Variants in PCCA observed in about 807,000 individuals in gnomAD.
PCCA encodes the protein propionyl-CoA carboxylase alpha chain, mitochondrial.
PCCA carries 74 observed loss-of-function variants against 101.3 expected under a neutral mutation model. The observed-to-expected ratio is 0.73, with a 90% CI of 0.61 to 0.89. The LOEUF (loss-of-function observed/expected upper bound fraction) is 0.89, where lower values mean the gene tolerates loss of function less well. Ranked by LOEUF, PCCA falls within the 40% of genes least tolerant of loss-of-function variation. The pLI is 0.00. For missense variants in PCCA, 891 were observed against 907.0 expected, an observed-to-expected ratio of 0.98 and a Z score of 0.23; for synonymous variants, 294 against 313.6, an observed-to-expected ratio of 0.94 and a Z score of 0.66.
At chr13:100,179,570 C>T (rs1372764346) in intron 6 of PCCA, among the ~76,000 whole-genome samples, 1 of 152,160 alleles carries the variant, frequency 6.6e-6, no homozygotes, top group African/African-American at 2.4e-5. Flanking sequence ...CTGTTTGCCT[C>T]TTTGCATGCA....
chr13:100,417,371 C>G (rs2078444181), intron 19 of PCCA, among the ~76,000 whole-genome samples: 1 of 152,186 alleles, frequency 6.6e-6, no homozygotes. Flanking sequence ...ACCAAACACT[C>G]CGTGCTCCAT....
At chr13:100,139,370 A>C (rs2051586744) in intron 4 of PCCA, among the ~76,000 whole-genome samples, 1 of 151,730 alleles carries the variant, frequency 6.6e-6, no homozygotes, top group Non-Finnish European at 1.5e-5. Flanking sequence ...ATAGACATGT[A>C]TGTTAGACCT....
intron 6 of PCCA, among the ~76,000 whole-genome samples, chr13:100,205,107 A>G (rs921756448): frequency 2.6e-5 from 4 of 152,224 alleles, no homozygotes; most frequent in African/African-American, 4.8e-5. Context: ...TTTAGTTGCT[A>G]TTGCATAACA....
rs1004885309 is a variant in PCCA at position 100,159,887 on chromosome 13, C to T, written c.468+2547C>T. Among the ~76,000 whole-genome samples, 82 of 152,224 alleles carry T rather than the reference C, an allele frequency of 5.4e-4. 1 individual carries two copies. Among genetic ancestry groups the T allele is most frequent in the African/African-American group, 1.5e-3 (64 of 41,546 alleles). On this transcript the variant is annotated intron_variant, in intron 6 of 23. Coordinates refer to ENST00000376285, the MANE Select transcript of PCCA (RefSeq NM_000282.4). ...AGGCACAGTTCATATGCAGCCTCTG[C>T]GGGGAAAGGGTTCTAGATCCTTCTG...
At chr13:100,216,254 G>T (rs962994126) in intron 7 of PCCA, among the ~76,000 whole-genome samples, 1 of 152,214 alleles carries the variant, frequency 6.6e-6, no homozygotes, top group African/African-American at 2.4e-5. Context: ...TAGGCAGAAA[G>T]AATAACAAGC....
intron 18 of PCCA, among the ~76,000 whole-genome samples, chr13:100,348,588 G>T (rs1216349433): frequency 1.3e-5 from 2 of 151,980 alleles, no homozygotes; most frequent in Non-Finnish European, 2.9e-5. Context: ...TTCACTAACT[G>T]GTAATGATTG....
intron 14 of PCCA, chr13:100,305,839 G>T (rs1441520576): frequency 2.2e-6 from 1 of 447,900 alleles, no homozygotes; most frequent in South Asian, 1.7e-5. Flanking sequence ...TATTTCGTAA[G>T]TGTGCTGAAT....
chr13:100,122,464 T>C (rs2049502360), intron 4 of PCCA, among the ~76,000 whole-genome samples: 1 of 152,188 alleles, frequency 6.6e-6, no homozygotes. Flanking sequence ...GAATCTGGGC[T>C]TCTCTTTGGT....
At chr13:100,522,001 G>A (rs2087339434) in intron 22 of PCCA, among the ~76,000 whole-genome samples, 1 of 152,150 alleles carries the variant, frequency 6.6e-6, no homozygotes, top group African/African-American at 2.4e-5. Context: ...CCCCAAAAAG[G>A]GGACTTAATT....
At chr13:100,489,102 G>A (rs1409438993) in intron 21 of PCCA, among the ~76,000 whole-genome samples, 2 of 151,984 alleles carry the variant, frequency 1.3e-5, no homozygotes, top group African/African-American at 2.4e-5. Context: ...TCAGGAGATC[G>A]AGACCATCCT....
chr13:100,400,630 C>CTT (rs1281449669), intron 19 of PCCA, among the ~76,000 whole-genome samples: 2 of 90,976 alleles, frequency 2.2e-5, no homozygotes, highest in Admixed American at 1.2e-4. Context: ...CTTTTTAGTT[C>CTT]TTTTTTTTTT....
chr13:100,319,174 A>T (rs530791203), intron 16 of PCCA, among the ~76,000 whole-genome samples: 2 of 151,822 alleles, frequency 1.3e-5, no homozygotes, highest in African/African-American at 4.8e-5. Flanking sequence ...CCACTTTTTG[A>T]TGGGGTTGTT....
intron 11 of PCCA, among the ~76,000 whole-genome samples, chr13:100,270,550 C>T (rs1364466953): frequency 6.6e-6 from 1 of 152,038 alleles, no homozygotes; most frequent in African/African-American, 2.4e-5. Flanking sequence ...GAAATACAAA[C>T]TTTTCATAAT....
At chr13:100,157,573 T>C (rs2054006202) in intron 6 of PCCA, among the ~76,000 whole-genome samples, 2 of 152,332 alleles carry the variant, frequency 1.3e-5, no homozygotes, top group Middle Eastern at 6.8e-3. Flanking sequence ...GAATGATACC[T>C]GGTTTATTAT....
At chr13:100,344,684 G>C (rs1428414767) in intron 18 of PCCA, among the ~76,000 whole-genome samples, 1 of 152,180 alleles carries the variant, frequency 6.6e-6, no homozygotes, top group Non-Finnish European at 1.5e-5. Flanking sequence ...TGTTAAGTTA[G>C]AAACCTCTTA....
intron 7 of PCCA, 97 bp downstream of exon 7, chr13:100,209,560 A>ACG: frequency 2.2e-6 from 1 of 452,594 alleles, no homozygotes; most frequent in Non-Finnish European, 4.0e-6. Context: ...TTTGGGATAT[A>ACG]CACACACACA....
chr13:100,379,736 A>G (rs536448146), intron 19 of PCCA, among the ~76,000 whole-genome samples: 2 of 152,174 alleles, frequency 1.3e-5, no homozygotes, highest in African/African-American at 2.4e-5. Flanking sequence ...TTATAAAACC[A>G]TCAGACCTCC....
chr13:100,512,669 G>A (rs911018244), intron 21 of PCCA, among the ~76,000 whole-genome samples: 5 of 152,136 alleles, frequency 3.3e-5, no homozygotes, highest in African/African-American at 1.2e-4. Context: ...CCCAGGCAGC[G>A]GGAAAACCTG....
At chr13:100,255,573 T>C (rs2062020750) in intron 8 of PCCA, among the ~76,000 whole-genome samples, 1 of 152,138 alleles carries the variant, frequency 6.6e-6, no homozygotes, top group Non-Finnish European at 1.5e-5. Context: ...TGATAAAATA[T>C]TTTTTTGAGA....
Sources: gnomAD v4.1 joint callset for allele counts (sites outside exome capture counted in the v4.1 genomes callset) on GRCh38, gnomAD v4.1.1 for gene constraint, MANE v1.5 for transcripts, NCBI Gene and HGNC (gene_info 2026-07-23, HGNC 2026-07-21) for gene names.